The following CPED1 variants were observed in gnomAD, a reference collection of about 807,000 sequenced individuals.
The protein encoded by CPED1 is cadherin like and PC-esterase domain containing 1.
Under a neutral mutation model 128.2 loss-of-function variants are expected in CPED1, and 114 were observed. The ratio of observed to expected loss-of-function variants is 0.89; its 90% CI spans 0.76 to 1.04. The LOEUF is 1.04. CPED1 is among the 50% of genes least tolerant of loss of function. The probability of loss-of-function intolerance (pLI) is 0.00; values close to 1 mark genes in which losing one functional copy is unlikely to be tolerated. For synonymous variants in CPED1, 462 were observed against 426.7 expected (o/e 1.08, Z -1.02); for missense variants, 1,211 against 1,207.1 (o/e 1.00, Z -0.05).
intron 5 of CPED1, among the ~76,000 whole-genome samples, chr7:121,095,063 C>G (rs1223486213): frequency 6.6e-6 from 1 of 152,154 alleles, no homozygotes; most frequent in Non-Finnish European, 1.5e-5. Context: ...GTTACTTTAA[C>G]ATTTTTAACA....
intron 7 of CPED1, among the ~76,000 whole-genome samples, chr7:121,119,802 AC>A (rs1425239112): frequency 6.6e-6 from 1 of 152,012 alleles, no homozygotes; most frequent in Non-Finnish European, 1.5e-5. Context: ...GAAATTATAT[AC>A]CCAGTAAACA....
chr7:121,014,840 C>T (rs903301559), intron 2 of CPED1, among the ~76,000 whole-genome samples: 8 of 152,150 alleles, frequency 5.3e-5, no homozygotes, highest in African/African-American at 1.9e-4. Flanking sequence ...TCCAACCAAT[C>T]TCATCACTCC....
intron 18 of CPED1, among the ~76,000 whole-genome samples, chr7:121,245,210 C>G (rs7792071): frequency 0.42 from 63,780 of 151,912 alleles, 13,837 homozygotes; most frequent in Middle Eastern, 0.53. Flanking sequence ...ATAACAGGAG[C>G]TGAGGGGCAG....
intron 16 of CPED1, among the ~76,000 whole-genome samples, chr7:121,225,141 CT>C (rs1463029871): frequency 6.6e-6 from 1 of 152,090 alleles, no homozygotes; most frequent in African/African-American, 2.4e-5. Flanking sequence ...TTAGTGCTTC[CT>C]TCAGGAGCTC....
chr7:121,236,952 ACT>A (rs1446700383), intron 17 of CPED1, 121 bp downstream of exon 17: 2 of 476,300 alleles, frequency 4.2e-6, no homozygotes, highest in Admixed American at 3.8e-5. Flanking sequence ...TTGACAATGA[ACT>A]ATAAAGCATA....
chr7:121,056,368 A>T (rs1226827379), intron 4 of CPED1, among the ~76,000 whole-genome samples: 1 of 152,202 alleles, frequency 6.6e-6, no homozygotes, highest in East Asian at 1.9e-4. Flanking sequence ...ATTCTTATTA[A>T]AAAAGAAAAA....
intron 3 of CPED1, among the ~76,000 whole-genome samples, chr7:121,022,650 A>G (rs17535451): frequency 0.07 from 10,612 of 152,064 alleles, 513 homozygotes; most frequent in Non-Finnish European, 0.11. Context: ...TAATTGATTT[A>G]CTGAAGGTTC....
intron 16 of CPED1, among the ~76,000 whole-genome samples, chr7:121,226,155 T>C (rs920254422): frequency 6.6e-6 from 1 of 152,144 alleles, no homozygotes; most frequent in Non-Finnish European, 1.5e-5. Context: ...AATCTACAGA[T>C]GGGGTTTCGG....
At chr7:121,288,163 T>C (rs17143275) in intron 22 of CPED1, among the ~76,000 whole-genome samples, 3,699 of 152,304 alleles carry the variant, frequency 0.024, 125 homozygotes, top group South Asian at 0.13. Flanking sequence ...TGGATTCAAT[T>C]CACAATGGCA....
intron 3 of CPED1, among the ~76,000 whole-genome samples, chr7:121,032,028 A>G (rs1021200959): frequency 1.3e-5 from 2 of 152,208 alleles, no homozygotes; most frequent in African/African-American, 2.4e-5. Flanking sequence ...AAACTCTCAT[A>G]CATTGCTTGT....
intron 3 of CPED1, among the ~76,000 whole-genome samples, chr7:121,022,966 C>G (rs763689812): frequency 6.6e-6 from 1 of 151,838 alleles, no homozygotes; most frequent in Non-Finnish European, 1.5e-5. Context: ...TTCCTATCAT[C>G]CAGATGCTAT....
chr7:121,005,587 A>G (rs940516970), intron 2 of CPED1, among the ~76,000 whole-genome samples: 3 of 152,140 alleles, frequency 2.0e-5, no homozygotes, highest in African/African-American at 7.2e-5. Context: ...ACGATGGTAC[A>G]TGTATACCTA....
chr7:121,096,907 A>G (rs1227367553), intron 5 of CPED1, among the ~76,000 whole-genome samples: 2 of 152,166 alleles, frequency 1.3e-5, no homozygotes, highest in Non-Finnish European at 2.9e-5. Context: ...TCATGTAGAT[A>G]CATTGATATT....
chr7:121,064,216 G>A (rs373820665), intron 4 of CPED1, 22 bp from the exon 5 acceptor site: 5 of 1,539,500 alleles, frequency 3.2e-6, no homozygotes, highest in Non-Finnish European at 4.5e-6. Flanking sequence ...TCACTCACTA[G>A]AATCTTTTTC....
intron 5 of CPED1, among the ~76,000 whole-genome samples, chr7:121,081,786 A>G (rs777301308): frequency 1.3e-5 from 2 of 152,190 alleles, no homozygotes; most frequent in Non-Finnish European, 2.9e-5. Context: ...TTTATGATTT[A>G]TGCTGCAGGA....
chr7:121,067,297 A>ATGTTCCCCTTCCTGTGTCCATGTGT (rs1430554075), intron 5 of CPED1, among the ~76,000 whole-genome samples: 1 of 151,008 alleles, frequency 6.6e-6, no homozygotes, highest in East Asian at 1.9e-4. Flanking sequence ...CTGGTGTGTG[A>ATGTTCCCCTTCCTGTGTCCATGTGT]TGTTCCCCTT....
chr7:121,145,017 T>A (rs1409946816), intron 16 of CPED1, among the ~76,000 whole-genome samples: 1 of 151,918 alleles, frequency 6.6e-6, no homozygotes, highest in African/African-American at 2.4e-5. Flanking sequence ...TTAATCTGGG[T>A]GCTGGTTACA....
intron 3 of CPED1, among the ~76,000 whole-genome samples, chr7:121,042,953 A>G (rs573239132): frequency 6.6e-6 from 1 of 152,308 alleles, no homozygotes; most frequent in East Asian, 1.9e-4. Flanking sequence ...ACCCAAATTG[A>G]CCAGGGGCTT....
At chr7:121,262,686 T>C (rs6970383) in intron 18 of CPED1, among the ~76,000 whole-genome samples, 63,154 of 151,928 alleles carry the variant, frequency 0.42, 13,574 homozygotes, top group Middle Eastern at 0.52. Context: ...TAATCTAGGC[T>C]TTTTAAAACA....
Sources: gnomAD v4.1 joint callset for allele counts (sites outside exome capture counted in the v4.1 genomes callset) on GRCh38, gnomAD v4.1.1 for gene constraint, MANE v1.5 for transcripts, NCBI Gene and HGNC (gene_info 2026-07-23, HGNC 2026-07-21) for gene names.